The following MLLT3 variants were observed in gnomAD, a reference collection of about 807,000 sequenced individuals.
MLLT3 encodes MLLT3 super elongation complex subunit, also known as protein AF-9.
In MLLT3, 4 loss-of-function variants were observed where a neutral mutation model predicts 53.2. The ratio of observed to expected loss-of-function variants is 0.08; its 90% CI spans 0.04 to 0.17. The LOEUF (loss-of-function observed/expected upper bound fraction) is 0.17. Among genes scored for constraint, MLLT3 ranks in the 10% least tolerant of loss-of-function variants. MLLT3 has a pLI of 1.00. For missense variants in MLLT3, 569 were observed against 684.0 expected, an observed-to-expected ratio of 0.83 and a Z score of 1.87; for synonymous variants, 283 against 230.6, an observed-to-expected ratio of 1.23 and a Z score of -2.06.
At chr9:20,532,318 A>AAAAT (rs1554635714) in intron 2 of MLLT3, among the ~76,000 whole-genome samples, 6 of 151,650 alleles carry the variant, frequency 4.0e-5, no homozygotes, top group African/African-American at 1.5e-4. Flanking sequence ...AGGAAAAAAA[A>AAAAT]ATATATATAT....
At position 20,621,843 on chromosome 9, in the gene MLLT3, C is replaced by A. The variant is rs977276326; in HGVS notation, c.12+402G>T. 1.1e-5 allele frequency: 15 copies of A among 1,392,420 alleles called. No homozygotes were observed. The highest frequency in any genetic ancestry group is 1.5e-5 in the African/African-American group (1 of 65,384). The allele number at this position is 1,392,420 out of a possible 1,614,324, so 86.3% of individuals were successfully genotyped here. On this transcript the variant is annotated intron_variant, in intron 1 of 10. Coordinates refer to ENST00000380338, the MANE Select transcript of MLLT3 (RefSeq NM_004529.4). This position sits in a 1 kb window ranked among gnomAD's most constrained non-coding sequence, Gnocchi z 7.0. ...TGCTCGCCGCGTCCCCGGACTGTGC[C>A]CGCAGCTCCCGGCGGCGGCGGCTGA...
chr9:20,466,867 G>A (rs1408921286), intron 2 of MLLT3, among the ~76,000 whole-genome samples: 5 of 152,204 alleles, frequency 3.3e-5, no homozygotes, highest in Non-Finnish European at 7.3e-5. Context: ...GGGAGAAGCA[G>A]AGACAGAGTC....
chr9:20,388,142 A>T (rs1257826168), intron 5 of MLLT3, among the ~76,000 whole-genome samples: 1 of 152,160 alleles, frequency 6.6e-6, no homozygotes, highest in Non-Finnish European at 1.5e-5. Context: ...AACAAAAAGG[A>T]AGATCAAGTA....
intron 4 of MLLT3, among the ~76,000 whole-genome samples, chr9:20,422,243 A>C (rs1823027469): frequency 6.6e-6 from 1 of 152,218 alleles, no homozygotes; most frequent in South Asian, 2.1e-4. Context: ...GTCTCCTGTT[A>C]TGAAATACAA....
In MLLT3 at chr9:20,501,692, C is replaced by T. The variant is rs528363753; in HGVS notation, c.194-44906G>A. 3.6e-5 allele frequency among the ~76,000 whole-genome samples: 5 copies of T among 139,292 alleles called. No individual in the cohort carries two copies. In the South Asian group the frequency reaches 7.3e-4, roughly 20 times the overall value. 91.4% of individuals were successfully genotyped at this position (139,292 alleles called of 152,430 possible). A position where few individuals can be genotyped will look rare whatever the true frequency, so the allele number is the denominator to read the frequency against. On this transcript the variant is annotated intron_variant, in intron 2 of 10. Transcript: ENST00000380338. ...CGTGAACCCGGGAAGCGGAGCTTGC[C>T]GTGAGCCGAGATTGCGCCACTGCAG... is the stretch of plus-strand genomic sequence containing the variant.
chr9:20,504,350 T>TTGTATG (rs1554632180), intron 2 of MLLT3, among the ~76,000 whole-genome samples: 1 of 148,980 alleles, frequency 6.7e-6, no homozygotes, highest in Non-Finnish European at 1.5e-5. Flanking sequence ...CCCAATGGAA[T>TTGTATG]TGTGTGTGTG....
chr9:20,498,191 G>A (rs1401148298), intron 2 of MLLT3, among the ~76,000 whole-genome samples: 2 of 119,480 alleles, frequency 1.7e-5, no homozygotes, highest in Non-Finnish European at 3.2e-5. Context: ...TGGCGCCACT[G>A]TACTCCAGCC....
intron 2 of MLLT3, among the ~76,000 whole-genome samples, chr9:20,535,033 G>A (rs1237551456): frequency 2.0e-5 from 3 of 152,274 alleles, no homozygotes; most frequent in South Asian, 4.1e-4. Context: ...TTTTATAGCA[G>A]GGGTCCCCAA....
intron 2 of MLLT3, among the ~76,000 whole-genome samples, chr9:20,582,465 G>A (rs982728842): frequency 6.6e-6 from 1 of 152,082 alleles, no homozygotes; most frequent in African/African-American, 2.4e-5. Flanking sequence ...ACCTTTTTCA[G>A]AATGTTATAA....
chr9:20,586,920 A>T (rs956791969), intron 2 of MLLT3, among the ~76,000 whole-genome samples: 21 of 152,128 alleles, frequency 1.4e-4, no homozygotes, highest in African/African-American at 5.1e-4. Context: ...GTTTTTTTTA[A>T]AAATGAAATG....
intron 2 of MLLT3, among the ~76,000 whole-genome samples, chr9:20,475,285 G>A (rs886089322): frequency 6.6e-6 from 1 of 152,020 alleles, no homozygotes; most frequent in African/African-American, 2.4e-5. Flanking sequence ...GTGAAAGAGG[G>A]TAGCCAAACA....
chr9:20,522,887 A>AG (rs1563799963), intron 2 of MLLT3, among the ~76,000 whole-genome samples: 2 of 152,092 alleles, frequency 1.3e-5, no homozygotes, highest in Non-Finnish European at 2.9e-5. Context: ...TCTGAGCTAA[A>AG]GGAAGTCGAG....
At position 20,414,019 on chromosome 9, in the gene MLLT3, T is replaced by C. The variant is rs1367693527; in HGVS notation, c.827A>G (p.Gln276Arg). The C allele has an allele frequency of 6.2e-7, 1 of 1,614,204 alleles. No homozygotes were observed. Among genetic ancestry groups the C allele is most frequent in the Non-Finnish European group, 8.5e-7 (1 of 1,180,028 alleles). The change falls in exon 5 of 11, where the codon CAA becomes CGA. Residue 276 changes from glutamine (Q) to arginine (R), a missense_variant. Around this residue, in one of 5 missense-constraint regions of MLLT3, gnomAD observed 437 missense variants for 376.5 expected, o/e 1.16. Transcript: ENST00000380338. Reference protein sequence around the residue: ...DSNLLTITSGQDKKAPSKRPP... With the variant: ...DSNLLTITSGRDKKAPSKRPP... Reference sequence around the variant, plus strand: ...CCTTTTACTAGGAGCCTTCTTATCTTGTCCACTGGTGATGGTGAGTAAGTT... The same window carrying C: ...CCTTTTACTAGGAGCCTTCTTATCTCGTCCACTGGTGATGGTGAGTAAGTT...
chr9:20,506,751 G>C (rs1825389586), intron 2 of MLLT3, among the ~76,000 whole-genome samples: 1 of 152,086 alleles, frequency 6.6e-6, no homozygotes, highest in African/African-American at 2.4e-5. Context: ...CTCTACAAAA[G>C]AACTTAGTGT....
In MLLT3 at chr9:20,382,181, A is replaced by T. The variant is rs542117690; in HGVS notation, c.1126-16437T>A. On this transcript the variant is annotated intron_variant, in intron 5 of 10. Coordinates refer to ENST00000380338, the MANE Select transcript of MLLT3 (RefSeq NM_004529.4). ...ATGCACATTAATCATCTAAAATTGT[A>T]AGATTTTCCTGAATTTTTCTATACA... Among the ~76,000 whole-genome samples the T allele has an allele frequency of 7.9e-5, 12 of 151,990 alleles. No homozygotes were observed. The South Asian group carries it at 1.7e-3, about 21-fold the overall frequency.
chr9:20,592,180 C>A (rs1002698912), intron 2 of MLLT3, among the ~76,000 whole-genome samples: 1 of 152,316 alleles, frequency 6.6e-6, no homozygotes, highest in Middle Eastern at 3.4e-3. Context: ...TTTAGCCTCA[C>A]AATCCATCCT....
intron 2 of MLLT3, among the ~76,000 whole-genome samples, chr9:20,471,313 GAT>G (rs1563978762): frequency 6.6e-6 from 1 of 151,906 alleles, no homozygotes; most frequent in Non-Finnish European, 1.5e-5. Context: ...ACAGTAATGC[GAT>G]GTTGAGTGAA....
chr9:20,494,759 A>G (rs948426923), intron 2 of MLLT3, among the ~76,000 whole-genome samples: 23 of 152,162 alleles, frequency 1.5e-4, no homozygotes, highest in African/African-American at 5.5e-4. Flanking sequence ...ATGCTGTTCA[A>G]AATTACTCAA....
intron 5 of MLLT3, among the ~76,000 whole-genome samples, chr9:20,371,573 C>T (rs1821602849): frequency 6.6e-6 from 1 of 152,232 alleles, no homozygotes; most frequent in African/African-American, 2.4e-5. Flanking sequence ...GATGACAGCA[C>T]ATCTGCCTAC....
Sources: allele counts gnomAD v4.1 joint callset (sites outside exome capture counted in the v4.1 genomes callset), GRCh38; gene constraint gnomAD v4.1.1; regional missense constraint gnomAD v4.1.1; non-coding constraint Gnocchi (gnomAD v3.1); transcripts MANE v1.5; gene names NCBI Gene and HGNC (gene_info 2026-07-23, HGNC 2026-07-21).